Variants in CHST15 observed in about 807,000 individuals in gnomAD.
The protein encoded by CHST15 is carbohydrate sulfotransferase 15.
In CHST15, 30 loss-of-function variants were observed where a neutral mutation model predicts 53.6. The observed-to-expected ratio is 0.56, with a 90% CI of 0.42 to 0.76. The LOEUF (loss-of-function observed/expected upper bound fraction) is 0.76. Among genes scored for constraint, CHST15 ranks in the 30% least tolerant of loss-of-function variants. The pLI, the probability that CHST15 is intolerant of heterozygous loss-of-function variation, is 0.00. For missense variants in CHST15, 627 were observed against 740.5 expected (o/e 0.85, Z 1.78); for synonymous variants, 296 against 289.8 (o/e 1.02, Z -0.22).
At chr10:124,045,112 CAAAAAAAAAAAAAAAAAAA>C (rs758243657) in intron 2 of CHST15, among the ~76,000 whole-genome samples, 193 bp from the exon 3 acceptor site, 56 of 33,800 alleles carry the variant, frequency 1.7e-3, no homozygotes, top group Non-Finnish European at 1.2e-3. Context: ...CGCCGCCCCA[CAAAAAAAAAAAAAAAAAAA>C]AAAAAAAAAA....
At chr10:124,021,854 A>G (rs1946801940) in intron 5 of CHST15, among the ~76,000 whole-genome samples, 1 of 152,156 alleles carries the variant, frequency 6.6e-6, no homozygotes, top group South Asian at 2.1e-4. Context: ...CAATATTACA[A>G]TTCCGCATGA....
Position 124,010,262 on chromosome 10 carries a change from G to A in CHST15, c.1573C>T (p.Leu525=). Reference sequence around the variant, plus strand: ...TGTGTGATGGGCCACATGGGCCCCAGGTTCCGGTCCTCGGGACGCCGTGCA... The same window carrying A: ...TGTGTGATGGGCCACATGGGCCCCAAGTTCCGGTCCTCGGGACGCCGTGCA... ...SNARRPEDRN[L]GPMWPITQKI... The change falls in exon 8 of 8, where the codon CTG becomes TTG. Residue 525 remains leucine, a synonymous_variant. Coordinates refer to ENST00000435907, the MANE Select transcript of CHST15 (RefSeq NM_001270764.2). 6.2e-7 allele frequency: 1 copy of A among 1,614,026 alleles called. No homozygotes were observed. Among genetic ancestry groups the A allele is most frequent in the Non-Finnish European group, 8.5e-7 (1 of 1,179,960 alleles).
At chr10:124,046,965 C>T (rs1174567916) in intron 1 of CHST15, among the ~76,000 whole-genome samples, 1 of 152,202 alleles carries the variant, frequency 6.6e-6, no homozygotes, top group Non-Finnish European at 1.5e-5. Flanking sequence ...GCACCACCAG[C>T]GCCACATCAA....
intron 1 of CHST15, among the ~76,000 whole-genome samples, chr10:124,090,148 C>T (rs1254442793): frequency 1.3e-5 from 2 of 152,178 alleles, no homozygotes; most frequent in African/African-American, 2.4e-5. Context: ...AAGCACCGGG[C>T]CAGATGGCAA....
intron 1 of CHST15, among the ~76,000 whole-genome samples, chr10:124,088,522 G>A (rs940979048): frequency 7.2e-5 from 11 of 152,164 alleles, no homozygotes; most frequent in Non-Finnish European, 1.2e-4. Flanking sequence ...GCTGATTCAC[G>A]CCGCCTCCTC....
At position 124,008,426 on chromosome 10, in the gene CHST15, C is replaced by T; in HGVS notation, c.*1723G>A. ...GATCTCTCCCTAAAGCATCCTTGTG[C>T]TCAGGCCAGATTTCCCTGCTGGCGG... On this transcript the variant is annotated 3_prime_UTR_variant, in exon 8 of 8. Transcript: ENST00000435907. The T allele has an allele frequency of 1.0e-6, 1 of 994,008 alleles. No homozygotes were observed. The highest frequency in any genetic ancestry group is 1.2e-6 in the Non-Finnish European group (1 of 835,158). The allele number at this position is 994,008 out of a possible 1,614,324, so 61.6% of individuals were successfully genotyped here. A position where few individuals can be genotyped will look rare whatever the true frequency, so the allele number is the denominator to read the frequency against.
intron 1 of CHST15, among the ~76,000 whole-genome samples, chr10:124,051,104 G>A (rs1344910849): frequency 1.3e-5 from 2 of 151,940 alleles, no homozygotes; most frequent in African/African-American, 2.4e-5. Context: ...CACTGCGCCC[G>A]GCTAATTTTT....
chr10:124,070,566 G>T (rs28485910), intron 1 of CHST15, among the ~76,000 whole-genome samples: 38,710 of 151,776 alleles, frequency 0.26, 5,228 homozygotes, highest in Middle Eastern at 0.4. Context: ...AAATAGAAAC[G>T]GGGTTTCACC....
At chr10:124,056,439 C>T (rs1948383172) in intron 1 of CHST15, among the ~76,000 whole-genome samples, 1 of 152,186 alleles carries the variant, frequency 6.6e-6, no homozygotes, top group South Asian at 2.1e-4. Flanking sequence ...AGGCTTGTCT[C>T]CTGCAGCCAG....
At chr10:124,053,205 G>A (rs1302020216) in intron 1 of CHST15, among the ~76,000 whole-genome samples, 2 of 152,172 alleles carry the variant, frequency 1.3e-5, no homozygotes, top group Admixed American at 6.5e-5. Context: ...TTGCCACTTT[G>A]GAGGGCCTTC....
chr10:124,045,126 A>AAAAC (rs772134563), intron 2 of CHST15, among the ~76,000 whole-genome samples: 28,241 of 128,528 alleles, frequency 0.22, 3,550 homozygotes, highest in Non-Finnish European at 0.29. Context: ...AAAAAAAAAA[A>AAAAC]AAAAAAAAAA....
intron 6 of CHST15, among the ~76,000 whole-genome samples, chr10:124,016,606 A>G (rs1946593229): frequency 6.6e-6 from 1 of 152,204 alleles, no homozygotes; most frequent in South Asian, 2.1e-4. Context: ...TTTAGGAGCC[A>G]GCTAGGGAAG....
chr10:124,045,165 A>G (rs1165913041), intron 2 of CHST15, among the ~76,000 whole-genome samples: 1 of 150,100 alleles, frequency 6.7e-6, no homozygotes, highest in Non-Finnish European at 1.5e-5. Flanking sequence ...ATAAAGATAA[A>G]AGTTTAATTA....
chr10:124,056,038 G>A (rs1590291003), intron 1 of CHST15, among the ~76,000 whole-genome samples: 2 of 152,288 alleles, frequency 1.3e-5, no homozygotes, highest in Admixed American at 1.3e-4. Flanking sequence ...AGAAACCAAG[G>A]CCAGTGTGGT....
In CHST15 at chr10:124,078,954, A is replaced by G. The variant is rs867891804; in HGVS notation, c.-513+14515T>C. 8.5e-5 allele frequency among the ~76,000 whole-genome samples: 13 copies of G among 152,306 alleles called. No homozygotes were observed. The South Asian group carries it at 2.3e-3, about 27-fold the overall frequency. ...TGAGTCTGAAATTATTTCAAAATAA[A>G]AAATTAAAATAAAAGTATGAGGCAG... On this transcript the variant is annotated intron_variant, in intron 1 of 7. Transcript: ENST00000435907.
intron 3 of CHST15, among the ~76,000 whole-genome samples, chr10:124,043,603 C>A (rs1947822306): frequency 6.6e-6 from 1 of 152,214 alleles, no homozygotes; most frequent in Non-Finnish European, 1.5e-5. Flanking sequence ...AGTGACCAAA[C>A]CTCTCCTGGC....
At chr10:124,088,309 G>A (rs570362653) in intron 1 of CHST15, among the ~76,000 whole-genome samples, 5 of 152,156 alleles carry the variant, frequency 3.3e-5, no homozygotes, top group African/African-American at 4.8e-5. Context: ...TGACTTGCAC[G>A]AGCTCCGCCT....
intron 1 of CHST15, among the ~76,000 whole-genome samples, chr10:124,072,321 G>T (rs1362510759): frequency 2.0e-5 from 3 of 152,190 alleles, no homozygotes; most frequent in African/African-American, 7.2e-5. Context: ...TCCACTTCCT[G>T]TGTGGTTGGG....
intron 1 of CHST15, among the ~76,000 whole-genome samples, chr10:124,068,764 G>A (rs1948825433): frequency 6.6e-6 from 1 of 151,816 alleles, no homozygotes; most frequent in Admixed American, 6.6e-5. Flanking sequence ...CCCTGTTCTT[G>A]AATTAAAAAA....
Sources: gnomAD v4.1 joint callset for allele counts (sites outside exome capture counted in the v4.1 genomes callset) on GRCh38, gnomAD v4.1.1 for gene constraint, MANE v1.5 for transcripts, NCBI Gene and HGNC (gene_info 2026-07-23, HGNC 2026-07-21) for gene names.